PPFIA2: variants seen among roughly 807,000 people sequenced by gnomAD.
The protein encoded by PPFIA2 is PPFI scaffold protein A2, also known as liprin-alpha-2.
Under a neutral mutation model 175.5 loss-of-function variants are expected in PPFIA2, and 46 were observed. The ratio of observed to expected loss-of-function variants is 0.26; its 90% CI spans 0.21 to 0.34. The LOEUF (loss-of-function observed/expected upper bound fraction) is 0.34. Among genes scored for constraint, PPFIA2 ranks in the 10% least tolerant of loss-of-function variants. PPFIA2 has a pLI of 1.00. For missense variants in PPFIA2, 1,179 were observed against 1,506.1 expected, an observed-to-expected ratio of 0.78 and a Z score of 3.60; for synonymous variants, 568 against 511.4, an observed-to-expected ratio of 1.11 and a Z score of -1.49.
At chr12:81,559,933 T>C (rs993116718) in intron 4 of PPFIA2, among the ~76,000 whole-genome samples, 1 of 152,166 alleles carries the variant, frequency 6.6e-6, no homozygotes, top group Non-Finnish European at 1.5e-5. Flanking sequence ...AAATAGAAAG[T>C]TCAAATCCTA....
chr12:81,609,673 T>C (rs189492249), intron 4 of PPFIA2, among the ~76,000 whole-genome samples: 64 of 152,310 alleles, frequency 4.2e-4, no homozygotes, highest in African/African-American at 1.4e-3. Context: ...TGTTGTTACA[T>C]GTGAAATGGG....
chr12:81,332,800 T>C (rs1032512999), intron 21 of PPFIA2, among the ~76,000 whole-genome samples: 1 of 152,166 alleles, frequency 6.6e-6, no homozygotes, highest in African/African-American at 2.4e-5. Flanking sequence ...CACTATCAAC[T>C]CTCTTACTAA....
chr12:81,518,889 G>A (rs1442130808), intron 4 of PPFIA2, among the ~76,000 whole-genome samples: 4 of 152,024 alleles, frequency 2.6e-5, no homozygotes, highest in South Asian at 2.1e-4. Context: ...AATATTGTCC[G>A]TCAGGTTAAA....
At chr12:81,463,687 A>G (rs1236481476) in intron 4 of PPFIA2, among the ~76,000 whole-genome samples, 1 of 152,020 alleles carries the variant, frequency 6.6e-6, no homozygotes, top group Non-Finnish European at 1.5e-5. Context: ...GAAGATGACA[A>G]GCAAAGAAGC....
At chr12:81,638,719 G>A (rs1223401515) in intron 4 of PPFIA2, among the ~76,000 whole-genome samples, 3 of 107,066 alleles carry the variant, frequency 2.8e-5, no homozygotes, top group African/African-American at 7.6e-5. Context: ...ACGGAGTCTC[G>A]CTCTGTCGCC....
intron 4 of PPFIA2, among the ~76,000 whole-genome samples, chr12:81,667,627 A>G (rs1322567605): frequency 1.3e-5 from 2 of 152,068 alleles, no homozygotes; most frequent in Non-Finnish European, 2.9e-5. Flanking sequence ...TAATACCTTC[A>G]TCTTTCATCA....
At chr12:81,593,532 G>T (rs1567494444) in intron 4 of PPFIA2, among the ~76,000 whole-genome samples, 1 of 152,010 alleles carries the variant, frequency 6.6e-6, no homozygotes, top group Admixed American at 6.6e-5. Context: ...ACATAATATT[G>T]GTCTCCATGT....
intron 4 of PPFIA2, among the ~76,000 whole-genome samples, chr12:81,671,649 T>C (rs2071441331): frequency 6.6e-6 from 1 of 151,980 alleles, no homozygotes; most frequent in Non-Finnish European, 1.5e-5. Context: ...AAGTACAAAT[T>C]CCTTCCATGT....
Position 81,325,758 on chromosome 12 carries a change from GA to G in PPFIA2, c.2642+18del, listed in dbSNP as rs763288803. The G allele has an allele frequency of 1.9e-6, 3 of 1,579,040 alleles. No homozygotes were observed. Among genetic ancestry groups the G allele is most frequent in the African/African-American group, 1.3e-5 (1 of 74,142 alleles). On this transcript the variant is annotated intron_variant, in intron 22 of 32. Transcript: ENST00000549396. ...AATTGATAAAAGTTAGAAAAAGAGG[GA>G]AAAATCCCCAAACCTACTTTTTCTT...
intron 8 of PPFIA2, among the ~76,000 whole-genome samples, chr12:81,400,699 G>A (rs1471451953): frequency 1.3e-5 from 2 of 152,128 alleles, no homozygotes; most frequent in East Asian, 3.9e-4. Context: ...TCAAAGAGGA[G>A]AGAAGAATAA....
chr12:81,458,674 G>A (rs2054006899), intron 4 of PPFIA2, among the ~76,000 whole-genome samples: 1 of 151,926 alleles, frequency 6.6e-6, no homozygotes, highest in African/African-American at 2.4e-5. Context: ...CATATGATAT[G>A]GTATTTTTAC....
Position 81,571,183 on chromosome 12 carries a change from C to T in PPFIA2, c.303+105608G>A, listed in dbSNP as rs570509586. ...TGATTCCAGGATTGAAAATTTCTTG[C>T]GTAAAATGCTTTAAAATATTCTTCC... On this transcript the variant is annotated intron_variant, in intron 4 of 32. Coordinates refer to ENST00000549396, the MANE Select transcript of PPFIA2 (RefSeq NM_003625.5). Among the ~76,000 whole-genome samples the T allele has an allele frequency of 2.0e-4, 31 of 152,010 alleles. No individual in the cohort carries two copies. In the South Asian group the frequency reaches 3.3e-3, roughly 16 times the overall value.
chr12:81,376,300 G>T (rs2036340894), intron 9 of PPFIA2, among the ~76,000 whole-genome samples: 1 of 152,034 alleles, frequency 6.6e-6, no homozygotes, highest in South Asian at 2.1e-4. Flanking sequence ...TCATAAAATT[G>T]TTAAAATGGT....
intron 22 of PPFIA2, among the ~76,000 whole-genome samples, chr12:81,311,280 G>C (rs1269838894): frequency 7.9e-5 from 12 of 152,110 alleles, no homozygotes; most frequent in Admixed American, 7.9e-4. Context: ...GGAAACAATG[G>C]GAACAACACA....
At chr12:81,419,979 C>A (rs2045961006) in intron 7 of PPFIA2, among the ~76,000 whole-genome samples, 1 of 152,074 alleles carries the variant, frequency 6.6e-6, no homozygotes. Context: ...GACTGGGGAC[C>A]CTGCAAGTCA....
chr12:81,631,165 G>A (rs948935171), intron 4 of PPFIA2, among the ~76,000 whole-genome samples: 2 of 152,000 alleles, frequency 1.3e-5, no homozygotes, highest in Non-Finnish European at 2.9e-5. Flanking sequence ...CAAAGTGCTG[G>A]AATTACACGC....
intron 4 of PPFIA2, among the ~76,000 whole-genome samples, chr12:81,602,600 T>A (rs1326814340): frequency 6.6e-6 from 1 of 151,842 alleles, no homozygotes; most frequent in Admixed American, 6.6e-5. Flanking sequence ...CCAGAAAACA[T>A]CTGGCTTTCA....
chr12:81,320,643 T>TA (rs892275210), intron 22 of PPFIA2, among the ~76,000 whole-genome samples: 16 of 152,060 alleles, frequency 1.1e-4, no homozygotes, highest in Non-Finnish European at 7.4e-5. Context: ...TATGCTTTAC[T>TA]AAAAAAATTA....
intron 7 of PPFIA2, among the ~76,000 whole-genome samples, chr12:81,423,281 A>G (rs1386791967): frequency 6.6e-6 from 1 of 152,104 alleles, no homozygotes; most frequent in Non-Finnish European, 1.5e-5. Flanking sequence ...TAATTCCAAA[A>G]TCAGAGATAC....
Sources: allele counts gnomAD v4.1 joint callset (sites outside exome capture counted in the v4.1 genomes callset), GRCh38; gene constraint gnomAD v4.1.1; transcripts MANE v1.5; gene names NCBI Gene and HGNC (gene_info 2026-07-23, HGNC 2026-07-21).